The following ADAM10 variants were observed in gnomAD, a reference collection of about 807,000 sequenced individuals.
The protein encoded by ADAM10 is ADAM metallopeptidase domain 10.
Under a neutral mutation model 90.1 loss-of-function variants are expected in ADAM10, and 17 were observed. That is an observed-to-expected ratio of 0.19 (90% CI 0.13 to 0.28). The LOEUF is 0.28. Ranked by LOEUF, ADAM10 falls within the 10% of genes least tolerant of loss-of-function variation. ADAM10 has a pLI of 1.00. For missense variants in ADAM10, 610 were observed against 914.3 expected, an observed-to-expected ratio of 0.67 and a Z score of 4.29; for synonymous variants, 310 against 298.6, an observed-to-expected ratio of 1.04 and a Z score of -0.40.
At chr15:58,620,021 A>C (rs1357779999) in intron 11 of ADAM10, among the ~76,000 whole-genome samples, 1 of 151,990 alleles carries the variant, frequency 6.6e-6, no homozygotes, top group Non-Finnish European at 1.5e-5. Context: ...TGCCCTGTTC[A>C]CCTTTAGGAA....
chr15:58,598,819 C>T (rs1895029417), intron 15 of ADAM10, among the ~76,000 whole-genome samples: 1 of 152,162 alleles, frequency 6.6e-6, no homozygotes, highest in African/African-American at 2.4e-5. Context: ...AGGGTTCTTC[C>T]TCATGCTATG....
At chr15:58,722,242 T>G (rs1898879513) in intron 1 of ADAM10, among the ~76,000 whole-genome samples, 1 of 151,920 alleles carries the variant, frequency 6.6e-6, no homozygotes, top group Admixed American at 6.6e-5. Flanking sequence ...CTCAAGAGGC[T>G]GAGGCAGGAG....
intron 4 of ADAM10, among the ~76,000 whole-genome samples, chr15:58,678,346 T>C (rs1397673018): frequency 6.6e-6 from 1 of 152,098 alleles, no homozygotes; most frequent in Non-Finnish European, 1.5e-5. Context: ...TCATTGACAA[T>C]AAATTTCTGT....
At chr15:58,695,635 A>G (rs1214201778) in intron 2 of ADAM10, among the ~76,000 whole-genome samples, 7 of 151,148 alleles carry the variant, frequency 4.6e-5, no homozygotes, top group African/African-American at 1.5e-4. Context: ...ACAAAAAGAT[A>G]TTTAAGTTTT....
At chr15:58,697,128 C>T (rs1387540240) in intron 2 of ADAM10, among the ~76,000 whole-genome samples, 2 of 152,302 alleles carry the variant, frequency 1.3e-5, no homozygotes, top group East Asian at 3.9e-4. Context: ...ACTCCCACCA[C>T]CCAAAGCCAC....
intron 1 of ADAM10, among the ~76,000 whole-genome samples, chr15:58,737,817 CA>C (rs1170279242): frequency 1.7e-4 from 26 of 151,936 alleles, no homozygotes; most frequent in African/African-American, 6.3e-4. Context: ...AAGAATTGTG[CA>C]AAAAAATACG....
At chr15:58,696,027 A>C (rs1444260361) in intron 2 of ADAM10, among the ~76,000 whole-genome samples, 1 of 152,148 alleles carries the variant, frequency 6.6e-6, no homozygotes, top group Non-Finnish European at 1.5e-5. Context: ...GCGGCAGGAG[A>C]ATCGCTTGAA....
At chr15:58,621,343 AAAAC>A (rs1595999168) in intron 11 of ADAM10, 124 bp downstream of exon 11, 2 of 1,164,068 alleles carry the variant, frequency 1.7e-6, no homozygotes, top group East Asian at 2.4e-5. Context: ...TCAGAAAAAG[AAAAC>A]AAACAACAGA....
At chr15:58,601,632 G>T (rs760831418) in intron 14 of ADAM10, among the ~76,000 whole-genome samples, 1 of 152,042 alleles carries the variant, frequency 6.6e-6, no homozygotes, top group Non-Finnish European at 1.5e-5. Context: ...GGAAATCAGG[G>T]CTGATACATT....
At chr15:58,665,046 C>T in intron 5 of ADAM10, 51 bp downstream of exon 5, 2 of 1,305,842 alleles carry the variant, frequency 1.5e-6, no homozygotes, top group South Asian at 1.2e-5. Context: ...AGATATACAT[C>T]CTCAAATTCA....
In ADAM10 at chr15:58,596,779, CA is replaced by C. The variant is rs1328805924; in HGVS notation, c.*767del. 1 of 152,672 alleles carries C rather than the reference CA, an allele frequency of 6.5e-6. No individual in the cohort carries two copies. Among genetic ancestry groups the C allele is most frequent in the Admixed American group, 6.5e-5 (1 of 15,318 alleles). 9.5% of individuals were successfully genotyped at this position (152,672 alleles called of 1,614,324 possible). ...TATGTGCTGCTATGTCCAGTTTGCA[CA>C]ACACTTAACTGTGTTCTTCAGTATA... On this transcript the variant is annotated 3_prime_UTR_variant, in exon 16 of 16. Coordinates refer to ENST00000260408, the MANE Select transcript of ADAM10 (RefSeq NM_001110.4).
intron 1 of ADAM10, among the ~76,000 whole-genome samples, chr15:58,735,993 G>A (rs1192521558): frequency 6.6e-6 from 1 of 152,152 alleles, no homozygotes; most frequent in Admixed American, 6.5e-5. Context: ...ACAATAAAAT[G>A]TTACTAATCT....
intron 4 of ADAM10, 41 bp downstream of exon 4, chr15:58,679,083 G>C (rs1424434955): frequency 6.4e-7 from 1 of 1,565,914 alleles, no homozygotes; most frequent in Non-Finnish European, 8.8e-7. Flanking sequence ...ACTATCATAT[G>C]CCTTTTGAAA....
chr15:58,691,224 A>G (rs755851354), intron 2 of ADAM10: 9 of 844,736 alleles, frequency 1.1e-5, no homozygotes, highest in Non-Finnish European at 1.8e-5. Flanking sequence ...CTCAAACTTT[A>G]CGTTGCTCTC....
chr15:58,646,531 T>C (rs1415733952), intron 5 of ADAM10, among the ~76,000 whole-genome samples: 2 of 152,146 alleles, frequency 1.3e-5, no homozygotes, highest in South Asian at 2.1e-4. Flanking sequence ...CCATCTACCA[T>C]CCAGTTCTGT....
chr15:58,651,770 G>A (rs569462044), intron 5 of ADAM10, among the ~76,000 whole-genome samples: 2 of 152,316 alleles, frequency 1.3e-5, no homozygotes, highest in Admixed American at 1.3e-4. Flanking sequence ...ATGTGCAGCA[G>A]TGGGACTGCT....
chr15:58,702,759 T>C (rs1039329500), intron 2 of ADAM10, among the ~76,000 whole-genome samples: 1 of 152,170 alleles, frequency 6.6e-6, no homozygotes, highest in Admixed American at 6.5e-5. Flanking sequence ...TTAAATCACA[T>C]ATCAAAATTC....
At position 58,663,187 on chromosome 15, in the gene ADAM10, T is replaced by C. The variant is rs76905851; in HGVS notation, c.585+1910A>G. ...TCATTTTAGACATTTAAAACTTCAA[T>C]CCATCTAGACTTTTTTGTTGTAAAT... On this transcript the variant is annotated intron_variant, in intron 5 of 15. Coordinates refer to ENST00000260408, the MANE Select transcript of ADAM10 (RefSeq NM_001110.4). Among the ~76,000 whole-genome samples the C allele has an allele frequency of 1.9e-3, 284 of 152,354 alleles. 1 individual carries two copies. Among genetic ancestry groups the C allele is most frequent in the African/African-American group, 6.6e-3 (273 of 41,594 alleles).
intron 2 of ADAM10, among the ~76,000 whole-genome samples, chr15:58,710,481 G>C (rs1392592938): frequency 6.6e-6 from 1 of 152,032 alleles, no homozygotes; most frequent in African/African-American, 2.4e-5. Context: ...TATCCCTTCA[G>C]ATTTCTTTAC....
Sources: allele counts gnomAD v4.1 joint callset (sites outside exome capture counted in the v4.1 genomes callset), GRCh38; gene constraint gnomAD v4.1.1; transcripts MANE v1.5; gene names NCBI Gene and HGNC (gene_info 2026-07-23, HGNC 2026-07-21).